SPDYE4: variants seen among roughly 807,000 people sequenced by gnomAD.
The protein encoded by SPDYE4 is speedy/RINGO cell cycle regulator family member E4, also known as speedy protein E4.
In SPDYE4, 30 loss-of-function variants were observed where a neutral mutation model predicts 37.5. The observed-to-expected ratio is 0.80, with a 90% CI of 0.60 to 1.09. The LOEUF (loss-of-function observed/expected upper bound fraction) is 1.09. Among genes scored for constraint, SPDYE4 ranks in the 50% least tolerant of loss-of-function variants. The probability of loss-of-function intolerance (pLI) is 0.00; values close to 1 mark genes in which losing one functional copy is unlikely to be tolerated. For missense variants in SPDYE4, 300 were observed against 307.9 expected, an observed-to-expected ratio of 0.97 and a Z score of 0.19; for synonymous variants, 131 against 120.3, an observed-to-expected ratio of 1.09 and a Z score of -0.58.
In SPDYE4 at chr17:8,751,866, G is replaced by A. The variant is rs999529142; in HGVS notation, c.*416C>T. Among the ~76,000 whole-genome samples the A allele has an allele frequency of 3.3e-5, 5 of 152,088 alleles. No homozygotes were observed. The highest frequency in any genetic ancestry group is 9.7e-5 in the African/African-American group (4 of 41,386). The stretch of plus-strand genomic sequence containing the variant: ...AATTTCATATTTTACAAAGAATTCC[G>A]TAACAATCTGAGTGCCTGCGCTGTG... On this transcript the variant is annotated 3_prime_UTR_variant, in exon 7 of 7. Transcript: ENST00000689094.
chr17:8,758,374 A>G lies in SPDYE4; in HGVS notation c.9T>C (p.Ser3=), dbSNP rs1008789940. 1 of 1,551,362 alleles carries G rather than the reference A, an allele frequency of 6.4e-7. No homozygotes were observed. The highest frequency in any genetic ancestry group is 8.7e-7 in the Non-Finnish European group (1 of 1,146,790). The stretch of plus-strand genomic sequence containing the variant: ...CCTCAAACGGGGGGCGCGCTTGACC[A>G]CTGGCCATAATCTCTCCCAAACACT... MA[S]GQARPPFEEE... The change falls in exon 1 of 7, where the codon AGT becomes AGC. Residue 3 remains serine, a synonymous_variant. Transcript: ENST00000689094.
At chr17:8,747,814 T>G (rs2086700546), downstream of SPDYE4, among the ~76,000 whole-genome samples, 1 of 152,208 alleles carries the variant, frequency 6.6e-6, no homozygotes, top group South Asian at 2.1e-4. Flanking sequence ...AAAATTCATA[T>G]GTTGAAACCC....
In SPDYE4 at chr17:8,752,257, T is replaced by C. The variant is rs1249701065; in HGVS notation, c.*45-20A>G. On this transcript the variant is annotated intron_variant, in intron 6 of 6. Transcript: ENST00000689094. Reference sequence around the variant, plus strand: ...AGTGTTCTGGAAGTGAGAGAGAGGATGTCACACTTCAAGGAGGGAGATCTC... The same window carrying C: ...AGTGTTCTGGAAGTGAGAGAGAGGACGTCACACTTCAAGGAGGGAGATCTC... 6.6e-6 allele frequency among the ~76,000 whole-genome samples: 1 copy of C among 152,198 alleles called. No individual in the cohort carries two copies. Among genetic ancestry groups the C allele is most frequent in the Non-Finnish European group, 1.5e-5 (1 of 68,034 alleles).
Position 8,758,512 on chromosome 17 carries a change from G to T in SPDYE4, c.-130C>A. ...TAGAGGCTCGGGAGAAGTTAGGAGT[G>T]AAGAGTAGTTCTGAGAAGTTGCTGT... On this transcript the variant is annotated 5_prime_UTR_variant, in exon 1 of 7. Coordinates refer to ENST00000689094, the MANE Select transcript of SPDYE4 (RefSeq NM_001394956.1). The T allele has an allele frequency of 1.2e-6, 1 of 851,056 alleles. No homozygotes were observed. The allele number at this position is 851,056 out of a possible 1,614,324, so 52.7% of individuals were successfully genotyped here. A position where few individuals can be genotyped will look rare whatever the true frequency, so the allele number is the denominator to read the frequency against.
chr17:8,753,375 C>T lies in SPDYE4; in HGVS notation c.600G>A (p.Gln200=), dbSNP rs1472713187. ...QRPLFHKLRY[Q]LLCSMRWRTW... ...TCCTCCAGCGCATGGAACAGAGGAG[C>T]TGGTATCGAAGCTTATGGAACAAGG... is the stretch of plus-strand genomic sequence containing the variant. Residue 200 remains glutamine, a synonymous_variant, in exon 5 of 7, where the codon CAG becomes CAA. Coordinates refer to ENST00000689094, the MANE Select transcript of SPDYE4 (RefSeq NM_001394956.1). 1.9e-6 allele frequency: 3 copies of T among 1,588,496 alleles called. No individual in the cohort carries two copies. The highest frequency in any genetic ancestry group is 8.6e-7 in the Non-Finnish European group (1 of 1,167,500).
intron 2 of SPDYE4, 61 bp downstream of exon 2, chr17:8,757,201 T>G: frequency 6.8e-7 from 1 of 1,475,490 alleles, no homozygotes; most frequent in Non-Finnish European, 9.2e-7. Flanking sequence ...GTGTGATTAT[T>G]GAAAGATTCC....
chr17:8,756,436 C>T lies in SPDYE4; in HGVS notation c.341G>A (p.Gly114Glu), dbSNP rs373821042. The T allele has an allele frequency of 2.3e-5, 37 of 1,613,880 alleles. No individual in the cohort carries two copies. The African/African-American group carries it at 4.5e-4, about 20-fold the overall frequency. ...CAGGAATTTTTGAACGACAGGATCC[C>T]CTGTGAAAAGAGAGCCTGTGTCAGG... ...EHHEAFNRLL[G>E]DPVVQKFLAW... Residue 114 changes from glycine to glutamate, a missense_variant and splice_region_variant, in exon 3 of 7, where the codon GGG (glycine) becomes GAG (glutamate). By Grantham distance (98) the Gly-to-Glu change is moderately conservative (BLOSUM62 -2). Coordinates refer to ENST00000689094, the MANE Select transcript of SPDYE4 (RefSeq NM_001394956.1).
Position 8,755,569 on chromosome 17 carries a change from C to A in SPDYE4, c.436G>T (p.Ala146Ser), listed in dbSNP as rs1387476503. 6.2e-7 allele frequency: 1 copy of A among 1,612,498 alleles called. No individual in the cohort carries two copies. Among genetic ancestry groups the A allele is most frequent in the Admixed American group, 1.7e-5 (1 of 59,994 alleles). Residue 146 changes from alanine to serine, a missense_variant, in exon 4 of 7, where the codon GCC (alanine) becomes TCC (serine). By Grantham distance (99) the Ala-to-Ser change is moderately conservative. Transcript: ENST00000689094. ...LAMVIAYFSRAGLFSWQYQRI... is the reference protein window; with the variant it reads ...LAMVIAYFSRSGLFSWQYQRI... ...TGGTATTGCCACGAGAAGAGGCCGG[C>A]ACGGCTAAAATACGCTATGACCATA...
In SPDYE4 at chr17:8,758,290, TTCA is replaced by T; in HGVS notation, c.90_92del (p.Asp30del). 1 of 1,547,246 alleles carries T rather than the reference TTCA, an allele frequency of 6.5e-7. No homozygotes were observed. Among genetic ancestry groups the T allele is most frequent in the Non-Finnish European group, 8.7e-7 (1 of 1,144,904 alleles). ...TCACCTCACCTGATGGTCCTGGCAC[TTCA>T]TCATCCACCACCACCTCGGGGGACC... is the stretch of plus-strand genomic sequence containing the variant. On this transcript the variant is annotated inframe_deletion, in exon 1 of 7. Transcript: ENST00000689094.
At chr17:8,756,781 C>T (rs1307346865) in intron 2 of SPDYE4, among the ~76,000 whole-genome samples, 2 of 152,206 alleles carry the variant, frequency 1.3e-5, no homozygotes, top group Non-Finnish European at 2.9e-5. Context: ...TGGGTGTGCC[C>T]ATGGCCTTGT....
At chr17:8,753,299 C>A (rs2086743417) in intron 5 of SPDYE4, 22 bp downstream of exon 5, 8 of 1,567,230 alleles carry the variant, frequency 5.1e-6, no homozygotes, top group Non-Finnish European at 6.9e-6. Flanking sequence ...CCACCCCCAC[C>A]TCCTCATATG....
chr17:8,758,186 A>C, intron 1 of SPDYE4, 88 bp downstream of exon 1: 1 of 1,127,710 alleles, frequency 8.9e-7, no homozygotes, highest in Non-Finnish European at 1.3e-6. Context: ...CACACACCCT[A>C]CTCAGGTGCT....
chr17:8,757,626 C>A, intron 1 of SPDYE4, 134 bp from the exon 2 acceptor site: 1 of 771,214 alleles, frequency 1.3e-6, no homozygotes, highest in South Asian at 2.0e-5. Flanking sequence ...GCCATGTTTC[C>A]ACCTTTCTCC....
At position 8,757,290 on chromosome 17, in the gene SPDYE4, C is replaced by T. The variant is rs758860849; in HGVS notation, c.312G>A (p.Glu104=). The T allele has an allele frequency of 1.2e-6, 2 of 1,606,008 alleles. No homozygotes were observed. Among genetic ancestry groups the T allele is most frequent in the East Asian group, 4.5e-5 (2 of 44,658 alleles). ...GGAGCCTGTTGAAGGCCTCGTGGTG[C>T]TCAGGGAGCACGGAGGATGCTCGCT... ...KRKRASSVLP[E]HHEAFNRLLG... Residue 104 remains glutamate (E), a synonymous_variant, in exon 2 of 7, where the codon GAG becomes GAA. Coordinates refer to ENST00000689094, the MANE Select transcript of SPDYE4 (RefSeq NM_001394956.1).
intron 3 of SPDYE4, among the ~76,000 whole-genome samples, chr17:8,756,071 T>G (rs1185942752): frequency 6.6e-6 from 1 of 152,018 alleles, no homozygotes; most frequent in Admixed American, 6.5e-5. Context: ...AGACCTAGAA[T>G]AGCTGGGGGC....
chr17:8,750,627 G>A (rs745554192), downstream of SPDYE4, among the ~76,000 whole-genome samples: 55 of 151,794 alleles, frequency 3.6e-4, no homozygotes, highest in East Asian at 5.8e-4. Flanking sequence ...GGAGAATGGC[G>A]TGAACACAGG....
chr17:8,753,555 C>T (rs2086748378), intron 4 of SPDYE4, 66 bp from the exon 5 acceptor site: 1 of 1,578,516 alleles, frequency 6.3e-7, no homozygotes, highest in East Asian at 2.2e-5. Context: ...TGAGGGCAGC[C>T]TCTCAGAGAG....
At chr17:8,756,092 G>A (rs749470389) in intron 3 of SPDYE4, among the ~76,000 whole-genome samples, 6 of 152,146 alleles carry the variant, frequency 3.9e-5, no homozygotes, top group Admixed American at 6.5e-5. Context: ...GGTGACTCAC[G>A]CCTGGAGTCC....
rs776997897 is a variant in SPDYE4 at position 8,752,186 on chromosome 17, C to T, written c.*96G>A. ...CTCCCTTCCTGGTGTCTGGCATTAG[C>T]GTCGCGATAAACTTCCTGCTGAAAA... On this transcript the variant is annotated 3_prime_UTR_variant, in exon 7 of 7. Transcript: ENST00000689094. Among the ~76,000 whole-genome samples, 1 of 152,104 alleles carries T rather than the reference C, an allele frequency of 6.6e-6. No homozygotes were observed. Among genetic ancestry groups the T allele is most frequent in the African/African-American group, 2.4e-5 (1 of 41,414 alleles).
Sources: gnomAD v4.1 joint callset for allele counts (sites outside exome capture counted in the v4.1 genomes callset) on GRCh38, gnomAD v4.1.1 for gene constraint, MANE v1.5 for transcripts, NCBI Gene and HGNC (gene_info 2026-07-23, HGNC 2026-07-21) for gene names.